Variants in POU6F2 observed in about 807,000 individuals in gnomAD.
The protein encoded by POU6F2 is POU domain, class 6, transcription factor 2.
In POU6F2, 31 loss-of-function variants were observed where a neutral mutation model predicts 71.3. The observed-to-expected ratio is 0.43, with a 90% confidence interval of 0.33 to 0.59. POU6F2 has a LOEUF of 0.59. Among genes scored for constraint, POU6F2 ranks in the 20% least tolerant of loss-of-function variants. The pLI, the probability that POU6F2 is intolerant of heterozygous loss-of-function variation, is 0.04. For synonymous variants in POU6F2, 347 were observed against 355.7 expected (o/e 0.98, Z 0.27); for missense variants, 783 against 856.8 (o/e 0.91, Z 1.07).
intron 1 of POU6F2, among the ~76,000 whole-genome samples, chr7:39,019,210 G>A (rs147271202): frequency 1.3e-4 from 20 of 152,222 alleles, no homozygotes; most frequent in Admixed American, 3.3e-4. Flanking sequence ...TTGATTGATA[G>A]CTAGAATTTT....
intron 1 of POU6F2, among the ~76,000 whole-genome samples, chr7:39,084,210 G>A (rs987250383): frequency 6.6e-6 from 1 of 151,846 alleles, no homozygotes; most frequent in African/African-American, 2.4e-5. Flanking sequence ...CACCATTTTT[G>A]TTTTATTATA....
chr7:39,261,623 A>G (rs1412917571), intron 4 of POU6F2, among the ~76,000 whole-genome samples: 2 of 152,196 alleles, frequency 1.3e-5, no homozygotes, highest in African/African-American at 4.8e-5. Context: ...AAGGTCACAC[A>G]GCCTGTAAGT....
At chr7:39,242,793 G>C (rs1783751226) in intron 4 of POU6F2, among the ~76,000 whole-genome samples, 1 of 152,118 alleles carries the variant, frequency 6.6e-6, no homozygotes, top group Admixed American at 6.6e-5. Flanking sequence ...TGATGTACCA[G>C]ATACATGCAG....
chr7:39,311,192 A>T (rs898985942), intron 4 of POU6F2, among the ~76,000 whole-genome samples: 4 of 152,208 alleles, frequency 2.6e-5, no homozygotes, highest in African/African-American at 9.6e-5. Flanking sequence ...TGATAAGGAA[A>T]AAAAAAGTTC....
intron 2 of POU6F2, among the ~76,000 whole-genome samples, chr7:39,131,372 T>C (rs1792275265): frequency 6.6e-6 from 1 of 152,202 alleles, no homozygotes; most frequent in African/African-American, 2.4e-5. Context: ...CCTGGGTTAA[T>C]ACTTCAGGGA....
At chr7:39,432,990 C>A in intron 6 of POU6F2, 87 bp from the exon 7 acceptor site, 1 of 1,382,932 alleles carries the variant, frequency 7.2e-7, no homozygotes, top group South Asian at 1.3e-5. Flanking sequence ...AGGGAGCATC[C>A]TAGAGAGACC....
intron 2 of POU6F2, among the ~76,000 whole-genome samples, chr7:39,126,487 C>T (rs1792140160): frequency 6.6e-6 from 1 of 152,196 alleles, no homozygotes; most frequent in South Asian, 2.1e-4. Flanking sequence ...GAGTCAGTCC[C>T]TGCTAGTTAA....
chr7:39,237,891 A>C (rs1316961175), intron 4 of POU6F2, among the ~76,000 whole-genome samples: 4 of 152,122 alleles, frequency 2.6e-5, no homozygotes, highest in Non-Finnish European at 5.9e-5. Context: ...ACTGTGAAAA[A>C]GCCCTTACTA....
chr7:39,222,480 G>T (rs1794388362), intron 4 of POU6F2, among the ~76,000 whole-genome samples: 1 of 152,032 alleles, frequency 6.6e-6, no homozygotes, highest in Non-Finnish European at 1.5e-5. Flanking sequence ...TTACATTTCT[G>T]TGCAATCATC....
At chr7:39,063,894 T>C (rs1224786336) in intron 1 of POU6F2, among the ~76,000 whole-genome samples, 1 of 152,050 alleles carries the variant, frequency 6.6e-6, no homozygotes, top group Non-Finnish European at 1.5e-5. Context: ...AAAGTAGCAA[T>C]ATAACAAATT....
chr7:39,123,438 A>G (rs761531961), intron 2 of POU6F2, among the ~76,000 whole-genome samples: 1 of 152,260 alleles, frequency 6.6e-6, no homozygotes, highest in Non-Finnish European at 1.5e-5. Context: ...GTTTGATTAG[A>G]TACTTGTGAA....
At chr7:39,385,637 A>G (rs1786921770) in intron 5 of POU6F2, among the ~76,000 whole-genome samples, 1 of 152,168 alleles carries the variant, frequency 6.6e-6, no homozygotes, top group Non-Finnish European at 1.5e-5. Context: ...TTGAGACTGG[A>G]GGAACTTGAG....
intron 1 of POU6F2, among the ~76,000 whole-genome samples, chr7:39,010,437 G>A (rs1340127771): frequency 6.8e-6 from 1 of 147,886 alleles, no homozygotes; most frequent in African/African-American, 2.4e-5. Flanking sequence ...AGTCTTGCTA[G>A]TGGTCTATGA....
chr7:39,314,878 T>C (rs577755566), intron 4 of POU6F2, among the ~76,000 whole-genome samples: 24 of 151,862 alleles, frequency 1.6e-4, no homozygotes, highest in Admixed American at 3.9e-4. Flanking sequence ...TTAAAGTAGA[T>C]AACTTAAAAA....
intron 4 of POU6F2, among the ~76,000 whole-genome samples, chr7:39,220,211 G>GGTGTGC (rs1328233549): frequency 6.6e-6 from 1 of 152,146 alleles, no homozygotes; most frequent in Non-Finnish European, 1.5e-5. Context: ...AACCGTGAAA[G>GGTGTGC]GTGTGCCACT....
At chr7:39,398,405 A>AG (rs557894010) in intron 5 of POU6F2, among the ~76,000 whole-genome samples, 116 of 152,180 alleles carry the variant, frequency 7.6e-4, no homozygotes, top group Non-Finnish European at 1.4e-3. Context: ...AAAAAAAAAA[A>AG]AAGTCTAATG....
chr7:39,457,157 A>C (rs1248838813), intron 8 of POU6F2, among the ~76,000 whole-genome samples: 1 of 152,246 alleles, frequency 6.6e-6, no homozygotes, highest in Non-Finnish European at 1.5e-5. Flanking sequence ...GAGACGGCAG[A>C]GGAAGGGAAG....
chr7:39,330,055 C>T (rs911611523), intron 4 of POU6F2, among the ~76,000 whole-genome samples: 17 of 152,286 alleles, frequency 1.1e-4, no homozygotes, highest in East Asian at 3.9e-4. Flanking sequence ...ATGCTAAGTT[C>T]TCAGCCATCC....
In POU6F2 at chr7:39,242,340, C is replaced by T. The variant is rs552792482; in HGVS notation, c.598+34720C>T. On this transcript the variant is annotated intron_variant, in intron 4 of 9. Transcript: ENST00000518318. ...GCAGGGTATGAGCATTCTAGTTCCT[C>T]CACATCCTGTCAGCACTTCATGTTG... is the stretch of plus-strand genomic sequence containing the variant. Among the ~76,000 whole-genome samples, 97 of 151,840 alleles carry T rather than the reference C, an allele frequency of 6.4e-4. 1 individual carries two copies. Among genetic ancestry groups the T allele is most frequent in the African/African-American group, 2.2e-3 (91 of 41,468 alleles).
Sources: allele counts gnomAD v4.1 joint callset (sites outside exome capture counted in the v4.1 genomes callset), GRCh38; gene constraint gnomAD v4.1.1; transcripts MANE v1.5; gene names NCBI Gene and HGNC (gene_info 2026-07-23, HGNC 2026-07-21).